The following CCDC3 variants were observed in gnomAD, a reference collection of about 807,000 sequenced individuals.
CCDC3 encodes coiled-coil domain-containing protein 3.
Under a neutral mutation model 21.4 loss-of-function variants are expected in CCDC3, and 24 were observed. The ratio of observed to expected loss-of-function variants is 1.12; its 90% CI spans 0.81 to 1.58. The LOEUF (loss-of-function observed/expected upper bound fraction) is 1.58. Ranked by LOEUF, CCDC3 falls within the 40% of genes most tolerant of loss-of-function variation. CCDC3 has a pLI of 0.00. For missense variants in CCDC3, 425 were observed against 360.9 expected (o/e 1.18, Z -1.44); for synonymous variants, 186 against 166.0 (o/e 1.12, Z -0.93).
intron 2 of CCDC3, among the ~76,000 whole-genome samples, chr10:12,945,750 T>C (rs185976245): frequency 1.2e-4 from 18 of 152,358 alleles, no homozygotes; most frequent in Non-Finnish European, 2.2e-4. Flanking sequence ...TTGTCTTTGC[T>C]CTTCGATTAA....
intron 2 of CCDC3, among the ~76,000 whole-genome samples, chr10:12,923,364 C>T (rs748702114): frequency 6.6e-6 from 1 of 152,136 alleles, no homozygotes; most frequent in South Asian, 2.1e-4. Flanking sequence ...CTGAAATACT[C>T]GTTATTCCCT....
intron 2 of CCDC3, among the ~76,000 whole-genome samples, chr10:12,910,611 A>AAATT (rs1554753179): frequency 9.9e-4 from 104 of 105,212 alleles, no homozygotes; most frequent in South Asian, 2.0e-3. Context: ...AAAAAAAAAA[A>AAATT]TTTTTTTTTT....
At chr10:13,031,959 GAA>G in intron 5 of CCDC3, among the ~76,000 whole-genome samples, 1 of 152,240 alleles carries the variant, frequency 6.6e-6, no homozygotes, top group Non-Finnish European at 1.5e-5. Context: ...CCAATCAATA[GAA>G]AAAGAGGGAA....
At chr10:12,967,219 G>C (rs942420833) in intron 2 of CCDC3, among the ~76,000 whole-genome samples, 3 of 152,184 alleles carry the variant, frequency 2.0e-5, no homozygotes, top group African/African-American at 7.2e-5. Context: ...AATGAACCCA[G>C]AACAGCTCCA....
chr10:13,076,893 A>G (rs1480512858), intron 3 of CCDC3, among the ~76,000 whole-genome samples: 1 of 152,200 alleles, frequency 6.6e-6, no homozygotes, highest in Non-Finnish European at 1.5e-5. Flanking sequence ...ACAGAGTAGC[A>G]GGGACAAGCT....
At chr10:12,954,469 T>C (rs1245339397) in intron 2 of CCDC3, among the ~76,000 whole-genome samples, 1 of 152,186 alleles carries the variant, frequency 6.6e-6, no homozygotes, top group Non-Finnish European at 1.5e-5. Flanking sequence ...AGAGGTTTAT[T>C]TGGCTCACAA....
At position 12,942,963 on chromosome 10, in the gene CCDC3, A is replaced by G. The variant is rs531256903; in HGVS notation, c.550-44284T>C. ...CAGATGAATGACGCCATTTCAGTAC[A>G]TGCCTAAATTTTAAAATGAAACCTA... On this transcript the variant is annotated intron_variant, in intron 2 of 2. Coordinates refer to ENST00000378825, the MANE Select transcript of CCDC3 (RefSeq NM_031455.4). Among the ~76,000 whole-genome samples, 182 of 152,306 alleles carry G rather than the reference A, an allele frequency of 1.2e-3. 1 individual carries two copies. Among genetic ancestry groups the G allele is most frequent in the Non-Finnish European group, 2.3e-3 (155 of 68,024 alleles).
chr10:12,967,520 T>G (rs193228705), intron 2 of CCDC3, among the ~76,000 whole-genome samples: 122 of 151,860 alleles, frequency 8.0e-4, no homozygotes, highest in Non-Finnish European at 3.4e-4. Context: ...AAAATACAAT[T>G]AATAAAAAGT....
At chr10:13,055,109 T>TA (rs1836664263) in intron 4 of CCDC3, among the ~76,000 whole-genome samples, 1 of 152,054 alleles carries the variant, frequency 6.6e-6, no homozygotes, top group Admixed American at 6.5e-5. Context: ...AAGACTTACT[T>TA]AATGCCAAGC....
intron 2 of CCDC3, among the ~76,000 whole-genome samples, chr10:12,916,097 G>T (rs898201892): frequency 2.6e-5 from 4 of 152,162 alleles, no homozygotes; most frequent in African/African-American, 9.7e-5. Flanking sequence ...TAGCAATGCA[G>T]GGGCTGCCCT....
intron 4 of CCDC3, among the ~76,000 whole-genome samples, chr10:13,071,969 A>G (rs567770211): frequency 2.2e-4 from 33 of 152,156 alleles, no homozygotes; most frequent in South Asian, 1.7e-3. Context: ...CCTAAACCTT[A>G]GGCTGGTTGG....
chr10:13,008,434 A>T (rs1835949079), intron 5 of CCDC3, among the ~76,000 whole-genome samples: 1 of 152,198 alleles, frequency 6.6e-6, no homozygotes, highest in Non-Finnish European at 1.5e-5. Context: ...GCCAGACTCC[A>T]AGTGTGATGT....
rs116992466 is a variant in CCDC3, at chr10:12,952,948, G to C, written c.549+45390C>G. 3.0e-3 allele frequency among the ~76,000 whole-genome samples: 463 copies of C among 152,264 alleles called. 13 individuals are homozygous for C. The East Asian group carries it at 0.054, about 18-fold the overall frequency. On this transcript the variant is annotated intron_variant, in intron 2 of 2. Transcript: ENST00000378825. Reference sequence around the variant, plus strand: ...CTTTCCTTCAGATTTTGAGCTTCTTGAGGGCTACAGTTGATCTTATTCAAA... The same window carrying C: ...CTTTCCTTCAGATTTTGAGCTTCTTCAGGGCTACAGTTGATCTTATTCAAA...
At chr10:13,018,897 G>A (rs11258132) in intron 5 of CCDC3, among the ~76,000 whole-genome samples, 15,904 of 150,848 alleles carry the variant, frequency 0.11, 1,072 homozygotes, top group African/African-American at 0.17. Flanking sequence ...AGATCATGCC[G>A]TTGCACTCCA....
At chr10:12,958,219 C>A (rs554683630) in intron 2 of CCDC3, among the ~76,000 whole-genome samples, 85 of 151,924 alleles carry the variant, frequency 5.6e-4, no homozygotes, top group South Asian at 1.2e-3. Context: ...AACAAACAAA[C>A]AAAAAAAACC....
intron 4 of CCDC3, among the ~76,000 whole-genome samples, chr10:13,070,395 T>C (rs1165107655): frequency 6.6e-6 from 1 of 152,210 alleles, no homozygotes; most frequent in Non-Finnish European, 1.5e-5. Flanking sequence ...AAGACACAAT[T>C]GGAGAACCTG....
intron 2 of CCDC3, among the ~76,000 whole-genome samples, chr10:12,918,652 G>C (rs1834396687): frequency 6.6e-6 from 1 of 152,190 alleles, no homozygotes; most frequent in Non-Finnish European, 1.5e-5. Flanking sequence ...CCCATGTGTA[G>C]GAGAACAGTT....
intron 2 of CCDC3, among the ~76,000 whole-genome samples, chr10:12,920,882 A>G (rs1354044408): frequency 6.6e-6 from 1 of 152,190 alleles, no homozygotes; most frequent in Non-Finnish European, 1.5e-5. Flanking sequence ...TCCATGGTAG[A>G]CTGACTACCT....
chr10:13,069,777 C>T (rs538293208), intron 4 of CCDC3, among the ~76,000 whole-genome samples: 68 of 152,258 alleles, frequency 4.5e-4, no homozygotes, highest in Non-Finnish European at 5.4e-4. Context: ...TCTGAGTATA[C>T]GCTATCAATC....
Sources: allele counts gnomAD v4.1 joint callset (sites outside exome capture counted in the v4.1 genomes callset), GRCh38; gene constraint gnomAD v4.1.1; transcripts MANE v1.5; gene names NCBI Gene and HGNC (gene_info 2026-07-23, HGNC 2026-07-21).